The following NTF3 variants were observed in gnomAD, a reference collection of about 807,000 sequenced individuals.
NTF3 encodes neurotrophin-3.
NTF3 carries 8 observed loss-of-function variants against 26.3 expected under a neutral mutation model. The ratio of observed to expected loss-of-function variants is 0.30; its 90% CI spans 0.18 to 0.55. NTF3 has a LOEUF of 0.55. Among genes scored for constraint, NTF3 ranks in the 20% least tolerant of loss-of-function variants. The probability of loss-of-function intolerance (pLI) is 0.93; values close to 1 mark genes in which losing one functional copy is unlikely to be tolerated. For synonymous variants in NTF3, 154 were observed against 145.5 expected (o/e 1.06, Z -0.42); for missense variants, 276 against 352.9 (o/e 0.78, Z 1.75).
intron 1 of NTF3, among the ~76,000 whole-genome samples, chr12:5,432,654 C>A (rs1403876189): frequency 6.6e-6 from 1 of 151,486 alleles, no homozygotes; most frequent in African/African-American, 2.4e-5. Flanking sequence ...CCCTCGGCTG[C>A]CCAAGAAGCT....
chr12:5,453,328 GCT>G, intron 1 of NTF3, among the ~76,000 whole-genome samples: 1 of 152,136 alleles, frequency 6.6e-6, no homozygotes, highest in East Asian at 1.9e-4. Flanking sequence ...CCTGATACCA[GCT>G]CTCTCTTCAC....
intron 1 of NTF3, among the ~76,000 whole-genome samples, chr12:5,444,075 T>C (rs554613196): frequency 1.3e-5 from 2 of 151,836 alleles, no homozygotes; most frequent in African/African-American, 4.8e-5. Flanking sequence ...TCCCGTTCCC[T>C]CTTCCATGTT....
chr12:5,475,551 T>C (rs1324400115), intron 1 of NTF3, among the ~76,000 whole-genome samples: 4 of 151,934 alleles, frequency 2.6e-5, no homozygotes, highest in African/African-American at 9.7e-5. Context: ...AAAATATGTC[T>C]GGGCCAGGCA....
In NTF3 at chr12:5,494,035, A is replaced by C. The variant is rs1591610615; in HGVS notation, c.19-159A>C. On this transcript the variant is annotated intron_variant, in intron 1 of 1. Coordinates refer to ENST00000423158, the MANE Select transcript of NTF3 (RefSeq NM_001102654.2). The surrounding 1 kb of genome is among the most constrained non-coding windows in gnomAD (Gnocchi z 8.3). The stretch of plus-strand genomic sequence containing the variant: ...CTCCCGGGGGTGGGGGAAAGAAATC[A>C]CCTCTTCAGAATGTCCAGAGGGGAG... 1.6e-6 allele frequency: 1 copy of C among 638,396 alleles called. No homozygotes were observed. The allele number at this position is 638,396 out of a possible 1,614,324, so 39.5% of individuals were successfully genotyped here. A position where few individuals can be genotyped will look rare whatever the true frequency, so the allele number is the denominator to read the frequency against.
At chr12:5,454,089 C>G (rs1591595892) in intron 1 of NTF3, among the ~76,000 whole-genome samples, 2 of 152,280 alleles carry the variant, frequency 1.3e-5, no homozygotes, top group African/African-American at 4.8e-5. Flanking sequence ...CTTAGCACAA[C>G]AGAAATGTAT....
chr12:5,495,034 A>G lies in NTF3; in HGVS notation c.*46A>G. On this transcript the variant is annotated 3_prime_UTR_variant, in exon 2 of 2. Transcript: ENST00000423158. Reference sequence around the variant, plus strand: ...ATAAATTATTACTTTAAATTATATGATATGCATGTAGCATATAAATGTTTA... The same window carrying G: ...ATAAATTATTACTTTAAATTATATGGTATGCATGTAGCATATAAATGTTTA... The G allele has an allele frequency of 1.4e-6, 2 of 1,480,972 alleles. No homozygotes were observed. Among genetic ancestry groups the G allele is most frequent in the Middle Eastern group, 1.7e-4 (1 of 5,820 alleles). The allele number at this position is 1,480,972 out of a possible 1,614,324, so 91.7% of individuals were successfully genotyped here.
intron 1 of NTF3, among the ~76,000 whole-genome samples, chr12:5,443,389 A>G (rs1940263917): frequency 6.6e-6 from 1 of 152,166 alleles, no homozygotes; most frequent in South Asian, 2.1e-4. Flanking sequence ...ACCTGGATGC[A>G]GGGCCCTGTG....
intron 1 of NTF3, among the ~76,000 whole-genome samples, chr12:5,448,635 C>G (rs1022302124): frequency 1.3e-5 from 2 of 151,970 alleles, no homozygotes; most frequent in African/African-American, 4.8e-5. Context: ...GAAGGACTTG[C>G]TAATGGATGA....
intron 1 of NTF3, among the ~76,000 whole-genome samples, chr12:5,475,898 GAGAAAGAA>G (rs144208778): frequency 7.2e-6 from 1 of 139,062 alleles, no homozygotes; most frequent in African/African-American, 2.5e-5. Context: ...GAAAGAAAAA[GAGAAAGAA>G]AGAAAGAAAG....
rs1424467127 is a variant in NTF3, at chr12:5,442,444, A to C, written c.18+10102A>C. On this transcript the variant is annotated intron_variant, in intron 1 of 1. Coordinates refer to ENST00000423158, the MANE Select transcript of NTF3 (RefSeq NM_001102654.2). ...GGGGCTTGGGGAGGTGTAGGTGTGCATGCTCACCAGGGTACTTCTCAGAAG... is the reference window on the plus strand; with the variant it reads ...GGGGCTTGGGGAGGTGTAGGTGTGCCTGCTCACCAGGGTACTTCTCAGAAG... Among the ~76,000 whole-genome samples, 4 of 152,252 alleles carry C rather than the reference A, an allele frequency of 2.6e-5. No homozygotes were observed. In the East Asian group the frequency reaches 7.7e-4, roughly 29 times the overall value.
At chr12:5,484,002 A>C (rs147668955) in intron 1 of NTF3, among the ~76,000 whole-genome samples, 1 of 152,196 alleles carries the variant, frequency 6.6e-6, no homozygotes, top group Non-Finnish European at 1.5e-5. Flanking sequence ...GGCTTCACAC[A>C]TAGTGTCAGA....
chr12:5,458,392 A>G (rs1940479716), intron 1 of NTF3, among the ~76,000 whole-genome samples: 1 of 152,190 alleles, frequency 6.6e-6, no homozygotes, highest in Non-Finnish European at 1.5e-5. Context: ...AGCACCCAGC[A>G]TTCCTTATTG....
rs182315025 is a variant in NTF3, at chr12:5,457,716, G to C, written c.18+25374G>C. Among the ~76,000 whole-genome samples the C allele has an allele frequency of 2.0e-5, 3 of 152,298 alleles. No individual in the cohort carries two copies. The East Asian group carries it at 5.8e-4, about 29-fold the overall frequency. ...TTGTAGGCTCCTAAACTCAGTGTAT[G>C]CTAAGCTGAACAGGGGCTCCTTTTG... is the stretch of plus-strand genomic sequence containing the variant. On this transcript the variant is annotated intron_variant, in intron 1 of 1. Transcript: ENST00000423158.
chr12:5,446,979 G>A (rs1940314617), intron 1 of NTF3, among the ~76,000 whole-genome samples: 1 of 152,220 alleles, frequency 6.6e-6, no homozygotes, highest in African/African-American at 2.4e-5. Context: ...GGGCAGCGGG[G>A]TGGAGACAGG....
chr12:5,431,549 G>A (rs1240423884), upstream of NTF3, among the ~76,000 whole-genome samples: 3 of 152,046 alleles, frequency 2.0e-5, no homozygotes, highest in South Asian at 2.1e-4. Context: ...GCTGTGGGGT[G>A]GGGGGAGGAG....
chr12:5,447,630 G>A (rs558855049), intron 1 of NTF3, among the ~76,000 whole-genome samples: 1 of 152,354 alleles, frequency 6.6e-6, no homozygotes, highest in African/African-American at 2.4e-5. Context: ...CAGGTGAGAT[G>A]ATGCATAGGA....
At chr12:5,480,773 G>A (rs531601419) in intron 1 of NTF3, among the ~76,000 whole-genome samples, 1 of 150,932 alleles carries the variant, frequency 6.6e-6, no homozygotes, top group African/African-American at 2.4e-5. Flanking sequence ...TTATCCGGAA[G>A]GGTTACAGGC....
intron 1 of NTF3, among the ~76,000 whole-genome samples, chr12:5,441,383 C>T (rs1940234003): frequency 6.6e-6 from 1 of 152,198 alleles, no homozygotes; most frequent in Non-Finnish European, 1.5e-5. Context: ...ATTCTTGAAT[C>T]GGAGATAGCA....
At chr12:5,434,406 T>G (rs1482209537) in intron 1 of NTF3, among the ~76,000 whole-genome samples, 2 of 151,880 alleles carry the variant, frequency 1.3e-5, no homozygotes, top group African/African-American at 4.8e-5. Flanking sequence ...TGGGATATGC[T>G]TATCTATGGA....
Sources: allele counts gnomAD v4.1 joint callset (sites outside exome capture counted in the v4.1 genomes callset), GRCh38; gene constraint gnomAD v4.1.1; non-coding constraint Gnocchi (gnomAD v3.1); transcripts MANE v1.5; gene names NCBI Gene and HGNC (gene_info 2026-07-23, HGNC 2026-07-21).